Variants in SYNE1 observed in about 807,000 individuals in gnomAD.
SYNE1 encodes the protein spectrin repeat containing nuclear envelope protein 1, also known as nesprin-1.
In SYNE1, 616 loss-of-function variants were observed where a neutral mutation model predicts 1,111.0. That is an observed-to-expected ratio of 0.55 (90% CI 0.52 to 0.59). The LOEUF is 0.59. Among genes scored for constraint, SYNE1 ranks in the 20% least tolerant of loss-of-function variants. The pLI, the probability that SYNE1 is intolerant of heterozygous loss-of-function variation, is 0.00. For missense variants in SYNE1, 10,006 were observed against 10,417.0 expected (o/e 0.96, Z 1.72); for synonymous variants, 3,855 against 3,825.8 (o/e 1.01, Z -0.28).
intron 59 of SYNE1, among the ~76,000 whole-genome samples, chr6:152,372,173 T>C (rs1350606996): frequency 1.3e-5 from 2 of 152,152 alleles, no homozygotes; most frequent in African/African-American, 2.4e-5. Flanking sequence ...CCACATAGCA[T>C]TAACGATCCC....
chr6:152,352,122 T>C lies in SYNE1; in HGVS notation c.11485A>G (p.Thr3829Ala), dbSNP rs115786671. The C allele has an allele frequency of 6.1e-4, 979 of 1,614,244 alleles. 2 individuals are homozygous for C. In the African/African-American group the frequency reaches 0.011, roughly 19 times the overall value. ...TCCTGGTATTCTGCTATCCACTGTG[T>C]CAGTGCTTTGCATTTATCTGAGAAT... ...KEFSDKCKAL[T>A]QWIAEYQEIL... The change falls in exon 70 of 146, where the codon ACA becomes GCA. Residue 3829 changes from threonine (T) to alanine (A), a missense_variant. Around this residue, in one of 7 missense-constraint regions of SYNE1, gnomAD observed 4,955 missense variants for 5,017.2 expected, o/e 0.99. Transcript: ENST00000367255.
chr6:152,571,532 A>T (rs1329011886), intron 3 of SYNE1, among the ~76,000 whole-genome samples: 1 of 152,080 alleles, frequency 6.6e-6, no homozygotes, highest in Non-Finnish European at 1.5e-5. Flanking sequence ...AAGGGGGAGG[A>T]TTTATATTTA....
intron 3 of SYNE1, among the ~76,000 whole-genome samples, chr6:152,547,379 T>C (rs184865037): frequency 3.9e-5 from 6 of 152,322 alleles, no homozygotes; most frequent in African/African-American, 7.2e-5. Context: ...GGAACCGCCA[T>C]TGGAAATTGG....
chr6:152,345,288 G>A (rs1384500828), intron 73 of SYNE1, among the ~76,000 whole-genome samples: 1 of 152,216 alleles, frequency 6.6e-6, no homozygotes, highest in Non-Finnish European at 1.5e-5. Context: ...AAGGAAGACA[G>A]TGTGCAAGAA....
At position 152,404,329 on chromosome 6, in the gene SYNE1, G is replaced by A. The variant is rs773941171; in HGVS notation, c.6724-15C>T. On this transcript the variant is annotated splice_polypyrimidine_tract_variant and intron_variant, in intron 45 of 145. Transcript: ENST00000367255. ...TTAACTTCAGACTGCCAAAAGGGAA[G>A]AAACATAACTAATCAAAAACACTGA... The A allele has an allele frequency of 6.4e-7, 1 of 1,573,732 alleles. No homozygotes were observed. Among genetic ancestry groups the A allele is most frequent in the Non-Finnish European group, 8.7e-7 (1 of 1,145,842 alleles).
In SYNE1 at chr6:152,430,466, G is replaced by C; in HGVS notation, c.4689+16C>G. 6.3e-7 allele frequency: 1 copy of C among 1,598,760 alleles called. No individual in the cohort carries two copies. Among genetic ancestry groups the C allele is most frequent in the Non-Finnish European group, 8.6e-7 (1 of 1,166,234 alleles). ...GTGAAATATGTAAACTTAAGTATAG[G>C]TGGATCAATTCTTACCTTTCTAAGG... On this transcript the variant is annotated intron_variant, in intron 35 of 145. Transcript: ENST00000367255.
intron 101 of SYNE1, among the ~76,000 whole-genome samples, chr6:152,261,561 A>G (rs2091994241): frequency 6.6e-6 from 1 of 152,188 alleles, no homozygotes; most frequent in South Asian, 2.1e-4. Context: ...TCCCTGCCCT[A>G]GACCCACCAA....
At position 152,344,032 on chromosome 6, in the gene SYNE1, C is replaced by T. The variant is rs538201876; in HGVS notation, c.12225+49G>A. ...TAGGTACTTCACACATTTTCACTGA[C>T]GCTCTGAATGATTCACAAGAATAAC... On this transcript the variant is annotated intron_variant, in intron 74 of 145. Transcript: ENST00000367255. 128 of 1,612,378 alleles carry T rather than the reference C, an allele frequency of 7.9e-5. 1 individual carries two copies. The highest frequency in any genetic ancestry group is 5.6e-4 in the South Asian group (51 of 90,948).
chr6:152,419,555 A>AG lies in SYNE1; in HGVS notation c.5421+13_5421+14insC, dbSNP rs764286459. ...AATTCTTCTTCAATCTTAAAAAAAA[A>AG]AAAACCACTTTACCTTATGCCGAGT... On this transcript the variant is annotated intron_variant, in intron 40 of 145. Transcript: ENST00000367255. 5.6e-6 allele frequency: 9 copies of AG among 1,599,718 alleles called. No individual in the cohort carries two copies. The African/African-American group carries it at 9.5e-5, about 17-fold the overall frequency.
At chr6:152,382,154 T>C (rs1460646558) in intron 55 of SYNE1, among the ~76,000 whole-genome samples, 2 of 152,222 alleles carry the variant, frequency 1.3e-5, no homozygotes. Flanking sequence ...GAATAGATTC[T>C]CTTACTAAAA....
At chr6:152,373,001 AAC>A in intron 59 of SYNE1, 34 bp downstream of exon 59, 1 of 1,600,528 alleles carries the variant, frequency 6.2e-7, no homozygotes, top group South Asian at 1.1e-5. Context: ...AATAACAAAT[AAC>A]ACAGAATGCT....
chr6:152,298,941 T>C (rs1364234195), intron 93 of SYNE1, among the ~76,000 whole-genome samples: 1 of 152,164 alleles, frequency 6.6e-6, no homozygotes. Flanking sequence ...CACATGTAAG[T>C]ATTTTAGATT....
At position 152,323,598 on chromosome 6, in the gene SYNE1, G is replaced by A. The variant is rs776756326; in HGVS notation, c.15797C>T (p.Ser5266Leu). 10 of 1,614,072 alleles carry A rather than the reference G, an allele frequency of 6.2e-6. No individual in the cohort carries two copies. The highest frequency in any genetic ancestry group is 1.6e-4 in the Middle Eastern group (1 of 6,084). Residue 5266 changes from serine (S) to leucine (L), a missense_variant, in exon 82 of 146, where the codon TCG becomes TTG. Transcript: ENST00000367255. ...TFVLELEQQQ[S>L]ALGMLRQQTL... is the part of the protein sequence containing the mutation. ...TTGCTGCCGCAGCATGCCCAAGGCC[G>A]ACTGCTGCTGCTCCAGCTCCAGAAC...
At chr6:152,464,593 T>C (rs981450094) in intron 18 of SYNE1, among the ~76,000 whole-genome samples, 69 of 152,202 alleles carry the variant, frequency 4.5e-4, no homozygotes, top group African/African-American at 1.5e-3. Context: ...CATGTGGTAA[T>C]TCTAATGCAT....
intron 56 of SYNE1, chr6:152,380,520 A>G (rs1409165769): frequency 6.1e-6 from 1 of 163,028 alleles, no homozygotes; most frequent in Non-Finnish European, 1.3e-5. Flanking sequence ...CTAATTCAAG[A>G]ACAGCTGTCA....
chr6:152,251,140 G>A (rs1428701134), intron 104 of SYNE1, among the ~76,000 whole-genome samples: 9 of 151,950 alleles, frequency 5.9e-5, no homozygotes, highest in South Asian at 4.2e-4. Flanking sequence ...TAGTAGAGAC[G>A]GGGTTTCACC....
intron 135 of SYNE1, 60 bp downstream of exon 135, chr6:152,151,493 C>G: frequency 6.2e-7 from 1 of 1,606,280 alleles, no homozygotes; most frequent in Non-Finnish European, 8.5e-7. Flanking sequence ...ACAAAAGAGC[C>G]ACAAATCCTT....
At chr6:152,438,485 C>A (rs1012376056) in intron 32 of SYNE1, among the ~76,000 whole-genome samples, 2 of 152,042 alleles carry the variant, frequency 1.3e-5, no homozygotes, top group Non-Finnish European at 2.9e-5. Context: ...CATTGTAAGG[C>A]CTTATCTCTA....
At chr6:152,141,575 G>T (rs1057063893) in intron 138 of SYNE1, among the ~76,000 whole-genome samples, 1 of 151,754 alleles carries the variant, frequency 6.6e-6, no homozygotes, top group African/African-American at 2.4e-5. Context: ...TGGGGAACAT[G>T]GCAAAACTCT....
Sources: gnomAD v4.1 joint callset for allele counts (sites outside exome capture counted in the v4.1 genomes callset) on GRCh38, gnomAD v4.1.1 for gene constraint, gnomAD v4.1.1 regional missense constraint, MANE v1.5 for transcripts, NCBI Gene and HGNC (gene_info 2026-07-23, HGNC 2026-07-21) for gene names.